Variants in PTPRD observed in about 807,000 individuals in gnomAD.
PTPRD encodes receptor-type tyrosine-protein phosphatase delta.
PTPRD carries 34 observed loss-of-function variants against 214.5 expected under a neutral mutation model. That is an observed-to-expected ratio of 0.16 (90% CI 0.12 to 0.21). The LOEUF (loss-of-function observed/expected upper bound fraction) is 0.21, where lower values mean the gene tolerates loss of function less well. Ranked by LOEUF, PTPRD falls within the 10% of genes least tolerant of loss-of-function variation. PTPRD has a pLI of 1.00. For missense variants in PTPRD, 2,545 were observed against 2,398.7 expected (o/e 1.06, Z -1.27); for synonymous variants, 1,128 against 845.7 (o/e 1.33, Z -5.79).
intron 2 of PTPRD, among the ~76,000 whole-genome samples, chr9:10,460,322 T>C (rs1027392240): frequency 6.6e-6 from 1 of 151,766 alleles, no homozygotes; most frequent in Admixed American, 6.6e-5. Context: ...ATAAATAGAT[T>C]CAATGCAGTC....
chr9:8,796,839 C>G (rs546938482), intron 11 of PTPRD, among the ~76,000 whole-genome samples: 3 of 152,132 alleles, frequency 2.0e-5, no homozygotes, highest in East Asian at 3.9e-4. Flanking sequence ...CATTGGTAAA[C>G]TCAAACATCG....
At chr9:9,389,484 T>G (rs1450322228) in intron 9 of PTPRD, among the ~76,000 whole-genome samples, 1 of 152,198 alleles carries the variant, frequency 6.6e-6, no homozygotes, top group Non-Finnish European at 1.5e-5. Context: ...CACTCCAGCT[T>G]GGGCCATTCC....
chr9:10,353,816 T>A (rs949949960), intron 2 of PTPRD, among the ~76,000 whole-genome samples: 3 of 152,000 alleles, frequency 2.0e-5, no homozygotes, highest in African/African-American at 7.2e-5. Flanking sequence ...TTAGAAAATA[T>A]GGCTTGGTAA....
chr9:8,713,046 A>T (rs1171054801), intron 12 of PTPRD, among the ~76,000 whole-genome samples: 1 of 152,176 alleles, frequency 6.6e-6, no homozygotes, highest in African/African-American at 2.4e-5. Context: ...ACAAATCTCA[A>T]AATAAAAATC....
intron 10 of PTPRD, among the ~76,000 whole-genome samples, chr9:9,045,438 G>T (rs767806695): frequency 1.1e-4 from 16 of 152,024 alleles, no homozygotes; most frequent in Non-Finnish European, 1.9e-4. Flanking sequence ...CGGGGGTTGT[G>T]GTTTGATTTT....
At chr9:9,915,437 A>G (rs1024446855) in intron 5 of PTPRD, among the ~76,000 whole-genome samples, 2 of 152,090 alleles carry the variant, frequency 1.3e-5, no homozygotes, top group East Asian at 1.9e-4. Flanking sequence ...ATAAATCTTA[A>G]GGAAACTGTG....
intron 27 of PTPRD, among the ~76,000 whole-genome samples, chr9:8,491,260 T>C (rs1378905747): frequency 6.6e-6 from 1 of 152,238 alleles, no homozygotes; most frequent in Non-Finnish European, 1.5e-5. Flanking sequence ...AAAGGAATTC[T>C]ATATGTGAAT....
chr9:9,332,797 C>T (rs1038147951), intron 9 of PTPRD, among the ~76,000 whole-genome samples: 11 of 151,320 alleles, frequency 7.3e-5, no homozygotes, highest in African/African-American at 1.5e-4. Flanking sequence ...TCAAATTAAA[C>T]GCAAACTGCT....
intron 11 of PTPRD, among the ~76,000 whole-genome samples, chr9:8,859,494 C>A (rs2098050034): frequency 6.6e-6 from 1 of 152,208 alleles, no homozygotes; most frequent in East Asian, 1.9e-4. Context: ...TAAAGTAAAG[C>A]TAGAGCTCAC....
At position 9,958,448 on chromosome 9, in the gene PTPRD, T is replaced by C. The variant is rs185043547; in HGVS notation, c.-471-19838A>G. 2.6e-3 allele frequency among the ~76,000 whole-genome samples: 402 copies of C among 152,220 alleles called. 2 individuals are homozygous for C. Among genetic ancestry groups the C allele is most frequent in the African/African-American group, 9.4e-3 (389 of 41,544 alleles). ...AGGGAGACTGAGGCAGGAGAATTGC[T>C]TGAACCCAGGAGGCAGAGGTTGCAG... On this transcript the variant is annotated intron_variant, in intron 4 of 45. Transcript: ENST00000381196.
intron 3 of PTPRD, among the ~76,000 whole-genome samples, chr9:10,203,803 T>G (rs1359591820): frequency 6.6e-6 from 1 of 152,188 alleles, no homozygotes; most frequent in Non-Finnish European, 1.5e-5. Flanking sequence ...TCGAGTCTGG[T>G]AATAACATAT....
intron 2 of PTPRD, among the ~76,000 whole-genome samples, chr9:10,374,027 T>C (rs1174570101): frequency 1.3e-5 from 2 of 152,116 alleles, no homozygotes. Flanking sequence ...TTTTCAGGCC[T>C]TAATTTAGTA....
At chr9:9,566,847 C>T (rs936735159) in intron 8 of PTPRD, among the ~76,000 whole-genome samples, 1 of 151,896 alleles carries the variant, frequency 6.6e-6, no homozygotes, top group African/African-American at 2.4e-5. Flanking sequence ...AGAAATGCTC[C>T]GAACATTCGC....
intron 10 of PTPRD, among the ~76,000 whole-genome samples, chr9:9,173,726 G>T (rs2099922896): frequency 6.6e-6 from 1 of 152,098 alleles, no homozygotes; most frequent in South Asian, 2.1e-4. Context: ...TGTATATGCA[G>T]TCCATGGTTG....
At chr9:10,249,101 C>A (rs1268656472) in intron 3 of PTPRD, among the ~76,000 whole-genome samples, 1 of 152,048 alleles carries the variant, frequency 6.6e-6, no homozygotes, top group Non-Finnish European at 1.5e-5. Context: ...ATTTGACCTG[C>A]ATTTCAAAAT....
intron 10 of PTPRD, among the ~76,000 whole-genome samples, chr9:9,042,812 A>T (rs1019971775): frequency 6.6e-6 from 1 of 151,976 alleles, no homozygotes; most frequent in African/African-American, 2.4e-5. Context: ...ACCTAGACTC[A>T]GCTGATTTCC....
intron 11 of PTPRD, among the ~76,000 whole-genome samples, chr9:8,850,306 G>T (rs1204043160): frequency 6.6e-6 from 1 of 152,014 alleles, no homozygotes; most frequent in Non-Finnish European, 1.5e-5. Flanking sequence ...TAGACATATG[G>T]CAGGAGACAG....
intron 10 of PTPRD, among the ~76,000 whole-genome samples, chr9:9,121,943 C>T (rs1008645411): frequency 6.6e-6 from 1 of 152,272 alleles, no homozygotes; most frequent in African/African-American, 2.4e-5. Context: ...TTGTAGTCTA[C>T]AAGCCCAAGA....
intron 34 of PTPRD, among the ~76,000 whole-genome samples, chr9:8,441,285 T>C (rs1448415583): frequency 6.6e-6 from 1 of 152,082 alleles, no homozygotes. Flanking sequence ...AGTCTCAATG[T>C]CACTCATCTT....
Sources: allele counts gnomAD v4.1 joint callset (sites outside exome capture counted in the v4.1 genomes callset), GRCh38; gene constraint gnomAD v4.1.1; transcripts MANE v1.5; gene names NCBI Gene and HGNC (gene_info 2026-07-23, HGNC 2026-07-21).